The following CCDC66 variants were observed in gnomAD, a reference collection of about 807,000 sequenced individuals.
CCDC66 encodes the protein coiled-coil domain-containing protein 66.
Under a neutral mutation model 128.3 loss-of-function variants are expected in CCDC66, and 133 were observed. The observed-to-expected ratio is 1.04, with a 90% CI of 0.90 to 1.20. The LOEUF is 1.20. CCDC66 is among the 50% of genes most tolerant of loss of function. The pLI is 0.00. For missense variants in CCDC66, 1,126 were observed against 1,075.5 expected, an observed-to-expected ratio of 1.05 and a Z score of -0.66; for synonymous variants, 387 against 357.0, an observed-to-expected ratio of 1.08 and a Z score of -0.95.
chr3:56,569,287 A>G, intron 6 of CCDC66: 1 of 300,496 alleles, frequency 3.3e-6, no homozygotes, highest in Non-Finnish European at 7.1e-6. Context: ...TGAATAATTG[A>G]TAAAAGAGGT....
chr3:56,607,331 G>T (rs62256020), intron 10 of CCDC66, among the ~76,000 whole-genome samples: 7,463 of 152,186 alleles, frequency 0.049, 192 homozygotes, highest in East Asian at 0.09. Context: ...GCAGCGTTTT[G>T]TAGTTTTCCT....
intron 10 of CCDC66, among the ~76,000 whole-genome samples, chr3:56,597,906 C>CTGGGACT (rs1365849431): frequency 6.6e-6 from 1 of 150,794 alleles, no homozygotes; most frequent in Non-Finnish European, 1.5e-5. Context: ...TTCCAAGTAG[C>CTGGGACT]TGGGACTACA....
chr3:56,611,481 AAAG>A (rs2074801119), intron 10 of CCDC66, among the ~76,000 whole-genome samples: 2 of 145,932 alleles, frequency 1.4e-5, no homozygotes, highest in South Asian at 2.2e-4. Flanking sequence ...CCCAGCTATG[AAAG>A]AAGACCTCCC....
chr3:56,613,878 C>T lies in CCDC66; in HGVS notation c.1566+128C>T. 5.6e-6 allele frequency: 4 copies of T among 719,096 alleles called. No individual in the cohort carries two copies. In the South Asian group the frequency reaches 7.4e-5, roughly 13 times the overall value. 44.5% of individuals were successfully genotyped at this position (719,096 alleles called of 1,614,324 possible). On this transcript the variant is annotated intron_variant, in intron 11 of 17. Transcript: ENST00000394672. ...TCACTGCAGTCTTGACCTCTGGGCACAAGTTGTCCTTCCACCTTGGTCTCC... is the reference window on the plus strand; with the variant it reads ...TCACTGCAGTCTTGACCTCTGGGCATAAGTTGTCCTTCCACCTTGGTCTCC...
intron 3 of CCDC66, among the ~76,000 whole-genome samples, chr3:56,562,342 G>A (rs1252847816): frequency 6.6e-6 from 1 of 152,074 alleles, no homozygotes; most frequent in Non-Finnish European, 1.5e-5. Flanking sequence ...GAGCCACTGT[G>A]CCCAGCCTCT....
At chr3:56,587,782 T>C (rs972974092) in intron 7 of CCDC66, among the ~76,000 whole-genome samples, 2 of 152,094 alleles carry the variant, frequency 1.3e-5, no homozygotes, top group African/African-American at 4.8e-5. Flanking sequence ...GGCAGGAGAA[T>C]TGCTTGAATC....
At chr3:56,559,311 T>C (rs2064788736) in intron 2 of CCDC66, among the ~76,000 whole-genome samples, 1 of 152,180 alleles carries the variant, frequency 6.6e-6, no homozygotes, top group Admixed American at 6.5e-5. Flanking sequence ...TTAAACTCAG[T>C]GTACTTTGGT....
chr3:56,621,164 A>AAAAC (rs2076505540), intron 17 of CCDC66: 1 of 154,462 alleles, frequency 6.5e-6, no homozygotes, highest in South Asian at 2.0e-4. Context: ...ATCTCCAAAA[A>AAAAC]AAAACAAAAC....
At chr3:56,583,309 T>C (rs1359956332) in intron 7 of CCDC66, among the ~76,000 whole-genome samples, 2 of 151,976 alleles carry the variant, frequency 1.3e-5, no homozygotes, top group Non-Finnish European at 2.9e-5. Context: ...TTTGTTTGTT[T>C]GTTTGTTTTA....
At chr3:56,574,431 T>G (rs1489637409) in intron 7 of CCDC66, among the ~76,000 whole-genome samples, 2 of 151,686 alleles carry the variant, frequency 1.3e-5, no homozygotes, top group African/African-American at 2.4e-5. Flanking sequence ...GAGATGTTAT[T>G]GAGGGAAAAG....
chr3:56,619,458 T>C lies in CCDC66; in HGVS notation c.2566T>C (p.Tyr856His), dbSNP rs2076043867. 1 of 1,613,942 alleles carries C rather than the reference T, an allele frequency of 6.2e-7. No homozygotes were observed. Among genetic ancestry groups the C allele is most frequent in the South Asian group, 1.1e-5 (1 of 91,076 alleles). ...TCCGTATGTTCGAACAAATGAGATC[T>C]ATTACCTTGATCCCGATGCACCATT... ...FIPYVRTNEIYYLDPDAPLSG... is the reference protein window; with the variant it reads ...FIPYVRTNEIHYLDPDAPLSG... Residue 856 changes from tyrosine to histidine, a missense_variant, in exon 16 of 18, where the codon TAT becomes CAT. By Grantham distance (83) the Tyr-to-His change is moderately conservative (BLOSUM62 2). Coordinates refer to ENST00000394672, the MANE Select transcript of CCDC66 (RefSeq NM_001141947.3).
intron 3 of CCDC66, among the ~76,000 whole-genome samples, chr3:56,559,845 A>G (rs1322555502): frequency 3.3e-5 from 5 of 152,352 alleles, no homozygotes; most frequent in Admixed American, 1.3e-4. Context: ...GGAAGTGTTC[A>G]TTAATAAAAT....
chr3:56,602,000 T>C (rs1013778547), intron 10 of CCDC66, among the ~76,000 whole-genome samples: 6 of 152,198 alleles, frequency 3.9e-5, no homozygotes, highest in Admixed American at 3.3e-4. Flanking sequence ...GAACTTCCAA[T>C]ACTATGTTGA....
chr3:56,603,324 G>A (rs1391414480), intron 10 of CCDC66, among the ~76,000 whole-genome samples: 1 of 151,766 alleles, frequency 6.6e-6, no homozygotes, highest in Non-Finnish European at 1.5e-5. Flanking sequence ...TTGTCTTCTG[G>A]TAGCTTTTGA....
chr3:56,584,668 C>A (rs151315233), intron 7 of CCDC66, among the ~76,000 whole-genome samples: 3 of 151,684 alleles, frequency 2.0e-5, no homozygotes, highest in Non-Finnish European at 4.4e-5. Context: ...GGCAGAGACG[C>A]TCCTCACTTC....
At chr3:56,564,851 C>A (rs745793559) in intron 4 of CCDC66, among the ~76,000 whole-genome samples, 1 of 152,168 alleles carries the variant, frequency 6.6e-6, no homozygotes, top group African/African-American at 2.4e-5. Context: ...CCTGAATATT[C>A]CCGTGATACT....
intron 10 of CCDC66, among the ~76,000 whole-genome samples, chr3:56,612,972 T>C (rs1232826446): frequency 6.6e-6 from 1 of 152,166 alleles, no homozygotes; most frequent in Non-Finnish European, 1.5e-5. Flanking sequence ...AGCAGCTGCA[T>C]TGTAGCTCTG....
Position 56,621,606 on chromosome 3 carries a change from TTCTTCATTTTAAATGTAGAAAA to T in CCDC66, c.2838_*12del. On this transcript the variant is annotated stop_lost and 3_prime_UTR_variant, in exon 18 of 18. Coordinates refer to ENST00000394672, the MANE Select transcript of CCDC66 (RefSeq NM_001141947.3). The stretch of plus-strand genomic sequence containing the variant: ...CTGAAAATCAAGAAGAGAGTTTTGG[TTCTTCATTTTAAATGTAGAAAA>T]TCAAATCCTTCACATTTGATTTGTG... 1 of 1,597,210 alleles carries T rather than the reference TTCTTCATTTTAAATGTAGAAAA, an allele frequency of 6.3e-7. No homozygotes were observed. The highest frequency in any genetic ancestry group is 1.3e-5 in the African/African-American group (1 of 74,350).
At chr3:56,594,791 A>C (rs2071578025) in intron 10 of CCDC66, among the ~76,000 whole-genome samples, 1 of 152,240 alleles carries the variant, frequency 6.6e-6, no homozygotes, top group Admixed American at 6.5e-5. Flanking sequence ...TAATATCTGC[A>C]TAATTCTTCA....
Sources: gnomAD v4.1 joint callset for allele counts (sites outside exome capture counted in the v4.1 genomes callset) on GRCh38, gnomAD v4.1.1 for gene constraint, MANE v1.5 for transcripts, NCBI Gene and HGNC (gene_info 2026-07-23, HGNC 2026-07-21) for gene names.